Variants in ALOX5 observed in about 807,000 individuals in gnomAD.
ALOX5 encodes the protein polyunsaturated fatty acid 5-lipoxygenase.
Under a neutral mutation model 87.9 loss-of-function variants are expected in ALOX5, and 64 were observed. The observed-to-expected ratio is 0.73, with a 90% CI of 0.60 to 0.90. The LOEUF (loss-of-function observed/expected upper bound fraction) is 0.90. Among genes scored for constraint, ALOX5 ranks in the 40% least tolerant of loss-of-function variants. ALOX5 has a pLI of 0.00. For missense variants in ALOX5, 822 were observed against 907.5 expected, an observed-to-expected ratio of 0.91 and a Z score of 1.21; for synonymous variants, 388 against 355.1, an observed-to-expected ratio of 1.09 and a Z score of -1.04.
chr10:45,375,544 C>T (rs1013977576), intron 1 of ALOX5, among the ~76,000 whole-genome samples: 6 of 152,200 alleles, frequency 3.9e-5, no homozygotes, highest in Non-Finnish European at 8.8e-5. Flanking sequence ...TTTGATCAAA[C>T]CTTGTGAAAT....
At chr10:45,438,865 C>T (rs1454823950) in intron 7 of ALOX5, among the ~76,000 whole-genome samples, 1 of 152,208 alleles carries the variant, frequency 6.6e-6, no homozygotes, top group Non-Finnish European at 1.5e-5. Flanking sequence ...GTGCAAGTCA[C>T]ACTCTGCTCT....
chr10:45,389,422 G>A (rs894029083), intron 2 of ALOX5, among the ~76,000 whole-genome samples: 26 of 152,126 alleles, frequency 1.7e-4, no homozygotes, highest in Admixed American at 8.5e-4. Flanking sequence ...TGAAGGAAAA[G>A]ATGTTAAGGG....
intron 12 of ALOX5, 105 bp from the exon 13 acceptor site, chr10:45,444,011 G>A: frequency 6.9e-7 from 1 of 1,444,360 alleles, no homozygotes; most frequent in Non-Finnish European, 9.2e-7. Flanking sequence ...TGGACGGACT[G>A]CAGGGCCCGC....
chr10:45,420,661 C>T (rs890427264), intron 4 of ALOX5, among the ~76,000 whole-genome samples: 1 of 152,248 alleles, frequency 6.6e-6, no homozygotes, highest in Non-Finnish European at 1.5e-5. Context: ...CTCGCCGCTG[C>T]TTCTGAGTAA....
intron 2 of ALOX5, among the ~76,000 whole-genome samples, chr10:45,391,805 G>A (rs1009960778): frequency 6.6e-6 from 1 of 151,410 alleles, no homozygotes; most frequent in South Asian, 2.1e-4. Context: ...GAAGTGAGGA[G>A]ACCCTCCGCC....
At chr10:45,433,029 A>G (rs1382172604) in intron 7 of ALOX5, among the ~76,000 whole-genome samples, 1 of 152,244 alleles carries the variant, frequency 6.6e-6, no homozygotes, top group African/African-American at 2.4e-5. Context: ...GAAGAAATGT[A>G]AATGGGCAAC....
intron 4 of ALOX5, among the ~76,000 whole-genome samples, chr10:45,420,859 A>G (rs1305379062): frequency 6.6e-6 from 1 of 152,236 alleles, no homozygotes; most frequent in Non-Finnish European, 1.5e-5. Flanking sequence ...CAAATTGAGA[A>G]AGAGAGTTTC....
intron 2 of ALOX5, among the ~76,000 whole-genome samples, chr10:45,387,583 CCT>C (rs1228681441): frequency 4.6e-5 from 7 of 152,118 alleles, no homozygotes. Flanking sequence ...AAGGTTAGGA[CCT>C]CAAGTGGAAA....
chr10:45,389,041 C>T (rs569939449), intron 2 of ALOX5, among the ~76,000 whole-genome samples: 11 of 152,170 alleles, frequency 7.2e-5, no homozygotes, highest in East Asian at 3.9e-4. Flanking sequence ...AACTATGTGA[C>T]GAATGCACAA....
rs79023256 is a variant in ALOX5, at chr10:45,406,492, G to A, written c.432-5699G>A. 8.3e-3 allele frequency among the ~76,000 whole-genome samples: 1,258 copies of A among 152,236 alleles called. 27 individuals are homozygous for A. The highest frequency in any genetic ancestry group is 0.071 in the East Asian group (366 of 5,170). On this transcript the variant is annotated intron_variant, in intron 3 of 13. Transcript: ENST00000374391. ...TGTGTTGGCATTTTACTGAGATTCA[G>A]TCTTTCCATCCAGGAACACAGCGTG...
chr10:45,425,103 C>CGGCA lies in ALOX5; in HGVS notation c.807_810dup (p.Leu271AlafsTer19). The CGGCA allele has an allele frequency of 6.2e-7, 1 of 1,613,846 alleles. No homozygotes were observed. Among genetic ancestry groups the CGGCA allele is most frequent in the Non-Finnish European group, 8.5e-7 (1 of 1,179,996 alleles). ...GGAGATGGTAGAGTGCAGCCTGGAG[C>CGGCA]GGCAGCTCAGCTTGGAGCAGGAGGT... On this transcript the variant is annotated frameshift_variant, in exon 6 of 14. Coordinates refer to ENST00000374391, the MANE Select transcript of ALOX5 (RefSeq NM_000698.5). LOFTEE classifies it high-confidence loss of function. The surrounding 1 kb of genome is among the most constrained non-coding windows in gnomAD (Gnocchi z 4.4).
chr10:45,380,416 T>G (rs1194767060), intron 1 of ALOX5, among the ~76,000 whole-genome samples: 2 of 152,194 alleles, frequency 1.3e-5, no homozygotes, highest in Admixed American at 6.5e-5. Context: ...CACCCCAAAC[T>G]GCTCACGGTA....
At chr10:45,420,103 T>G (rs1255961953) in intron 4 of ALOX5, among the ~76,000 whole-genome samples, 2 of 152,206 alleles carry the variant, frequency 1.3e-5, no homozygotes, top group Non-Finnish European at 2.9e-5. Flanking sequence ...ACAAGTAGGA[T>G]TCTCCCACTT....
At chr10:45,426,640 T>C (rs1841714789) in intron 6 of ALOX5, among the ~76,000 whole-genome samples, 2 of 152,224 alleles carry the variant, frequency 1.3e-5, no homozygotes, top group South Asian at 2.1e-4. Flanking sequence ...ATATTTGGAT[T>C]CTTTGGTTTC....
At position 45,423,959 on chromosome 10, in the gene ALOX5, C is replaced by T. The variant is rs1283824116; in HGVS notation, c.555-82C>T. The T allele has an allele frequency of 1.2e-5, 13 of 1,115,534 alleles. No individual in the cohort carries two copies. The African/African-American group carries it at 1.5e-4, about 13-fold the overall frequency. 69.1% of individuals were successfully genotyped at this position (1,115,534 alleles called of 1,614,324 possible). A position where few individuals can be genotyped will look rare whatever the true frequency, so the allele number is the denominator to read the frequency against. ...CTGGAGGGGGCGGGGGTTGTGAGGA[C>T]CCCTGAGAGCTTGGTGTGAAGGGGC... On this transcript the variant is annotated intron_variant, in intron 4 of 13. Coordinates refer to ENST00000374391, the MANE Select transcript of ALOX5 (RefSeq NM_000698.5).
intron 8 of ALOX5, 129 bp from the exon 9 acceptor site, chr10:45,441,215 A>C: frequency 1.3e-6 from 1 of 745,854 alleles, no homozygotes; most frequent in Non-Finnish European, 2.3e-6. Flanking sequence ...ATCAGCACCC[A>C]GCCTTCACTT....
At chr10:45,391,669 C>T (rs1035965909) in intron 2 of ALOX5, among the ~76,000 whole-genome samples, 1 of 151,600 alleles carries the variant, frequency 6.6e-6, no homozygotes, top group Non-Finnish European at 1.5e-5. Context: ...CCTGGCCGCC[C>T]ATCGTCTGGG....
In ALOX5 at chr10:45,395,920, C is replaced by T. The variant is rs199726828; in HGVS notation, c.415C>T (p.Arg139Trp). The change falls in exon 3 of 14, where the codon CGG (arginine) becomes TGG (tryptophan). Residue 139 changes from arginine (R) to tryptophan (W), a missense_variant. Arg to Trp is a moderately radical substitution (Grantham distance 101, BLOSUM62 -3). Coordinates refer to ENST00000374391, the MANE Select transcript of ALOX5 (RefSeq NM_000698.5). ...KQHRRKELET[R>W]QKQYRWMEWN... Reference sequence around the variant, plus strand: ...ACACCGACGTAAAGAACTGGAAACACGGCAAAAACAATATCGGTGAGTTAT... The same window carrying T: ...ACACCGACGTAAAGAACTGGAAACATGGCAAAAACAATATCGGTGAGTTAT... 119 of 1,614,078 alleles carry T rather than the reference C, an allele frequency of 7.4e-5. No homozygotes were observed. In the Admixed American group the frequency reaches 8.8e-4, roughly 12 times the overall value.
intron 7 of ALOX5, among the ~76,000 whole-genome samples, chr10:45,434,561 A>G (rs938511697): frequency 6.6e-6 from 1 of 152,254 alleles, no homozygotes. Flanking sequence ...AACAGTGGAA[A>G]AACAAGACAC....
Sources: gnomAD v4.1 joint callset for allele counts (sites outside exome capture counted in the v4.1 genomes callset) on GRCh38, gnomAD v4.1.1 for gene constraint, Gnocchi (gnomAD v3.1) non-coding constraint, MANE v1.5 for transcripts, NCBI Gene and HGNC (gene_info 2026-07-23, HGNC 2026-07-21) for gene names.